Variants in SNX29 observed in about 807,000 individuals in gnomAD.
SNX29 encodes the protein sorting nexin 29, also known as sorting nexin-29.
In SNX29, 78 loss-of-function variants were observed where a neutral mutation model predicts 102.1. The observed-to-expected ratio is 0.76, with a 90% confidence interval of 0.64 to 0.92. SNX29 has a LOEUF of 0.92. SNX29 is among the 40% of genes least tolerant of loss of function. The probability of loss-of-function intolerance (pLI) is 0.00; values close to 1 mark genes in which losing one functional copy is unlikely to be tolerated. For synonymous variants in SNX29, 580 were observed against 414.5 expected (o/e 1.40, Z -4.85); for missense variants, 1,280 against 1,061.7 (o/e 1.21, Z -2.86).
chr16:12,030,118 C>T (rs1276997459), intron 4 of SNX29, among the ~76,000 whole-genome samples: 1 of 152,184 alleles, frequency 6.6e-6, no homozygotes, highest in African/African-American at 2.4e-5. Context: ...GCCATAGCCT[C>T]TTGGCACACT....
At position 12,129,792 on chromosome 16, in the gene SNX29, G is replaced by A. The variant is rs769911977; in HGVS notation, c.1595+34G>A. ...GGGTGAGGGATGGAGAGGTAAGCAC[G>A]TGGGGGCTTCATTAAAACCTGAGCA... On this transcript the variant is annotated intron_variant, in intron 13 of 20. Transcript: ENST00000566228. The A allele has an allele frequency of 2.1e-5, 33 of 1,567,446 alleles. No homozygotes were observed. The South Asian group carries it at 2.8e-4, about 14-fold the overall frequency.
chr16:12,199,773 G>A (rs1443772195), intron 14 of SNX29, 90 bp downstream of exon 14: 2 of 1,054,506 alleles, frequency 1.9e-6, no homozygotes, highest in East Asian at 2.6e-5. Context: ...AATGTGTGAC[G>A]AGTGCATATG....
intron 15 of SNX29, among the ~76,000 whole-genome samples, chr16:12,301,440 C>G (rs1035368243): frequency 6.6e-6 from 1 of 152,190 alleles, no homozygotes. Flanking sequence ...CCCTCTCCCC[C>G]AAATCTCCAC....
At chr16:12,320,373 T>G (rs930029462) in intron 15 of SNX29, among the ~76,000 whole-genome samples, 1 of 151,534 alleles carries the variant, frequency 6.6e-6, no homozygotes, top group African/African-American at 2.4e-5. Context: ...CCTGCCGCAA[T>G]GCCTGTGCCC....
chr16:12,069,057 A>T lies in SNX29; in HGVS notation c.1244A>T (p.Asp415Val). 6.2e-7 allele frequency: 1 copy of T among 1,613,892 alleles called. No individual in the cohort carries two copies. Among genetic ancestry groups the T allele is most frequent in the Non-Finnish European group, 8.5e-7 (1 of 1,179,830 alleles). Residue 415 changes from aspartate (D) to valine (V), a missense_variant and splice_region_variant, in exon 10 of 21, where the codon GAT becomes GTT. Transcript: ENST00000566228. ...VSGVGSYSPADAPLGSLENGT... is the reference protein window; with the variant it reads ...VSGVGSYSPAVAPLGSLENGT... ...TTCTGTGATTGCTCTCTCTGCACAG[A>T]TGCCCCCCTCGGAAGCCTGGAGAAC...
At chr16:12,454,034 G>C (rs2086424216) in intron 18 of SNX29, among the ~76,000 whole-genome samples, 1 of 152,100 alleles carries the variant, frequency 6.6e-6, no homozygotes, top group Admixed American at 6.5e-5. Context: ...AAATTTCTCA[G>C]CTTCCCTTGC....
rs575164432 is a variant in SNX29 at position 12,398,490 on chromosome 16, G to A, written c.1944G>A (p.Ser648=). The A allele has an allele frequency of 1.4e-4, 225 of 1,613,916 alleles. No homozygotes were observed. Among genetic ancestry groups the A allele is most frequent in the South Asian group, 6.7e-4 (61 of 91,082 alleles). ...AAACGTCCGAAGACCAGAGTTTGTCGGATTTTGAAATGTAAGTCCACAGCC... is the reference window on the plus strand; with the variant it reads ...AAACGTCCGAAGACCAGAGTTTGTCAGATTTTGAAATGTAAGTCCACAGCC... ...LSQTSEDQSL[S]DFEISNRALI... The change falls in exon 17 of 21, where the codon TCG becomes TCA. Residue 648 remains serine, a synonymous_variant. Transcript: ENST00000566228.
At chr16:12,347,117 G>C (rs1184768160) in intron 15 of SNX29, among the ~76,000 whole-genome samples, 1 of 152,092 alleles carries the variant, frequency 6.6e-6, no homozygotes, top group Non-Finnish European at 1.5e-5. Flanking sequence ...GTGCTGAGGG[G>C]CTTGTTGCAG....
chr16:12,555,478 C>T (rs557444798), intron 20 of SNX29, among the ~76,000 whole-genome samples: 8 of 151,612 alleles, frequency 5.3e-5, no homozygotes, highest in Middle Eastern at 3.4e-3. Flanking sequence ...TGTCTGAGGA[C>T]GTCTTTCGTT....
chr16:12,358,372 C>G (rs1223674070), intron 16 of SNX29, among the ~76,000 whole-genome samples: 2 of 152,144 alleles, frequency 1.3e-5, no homozygotes, highest in African/African-American at 2.4e-5. Flanking sequence ...GAGTTCGAGA[C>G]CAGCCTGGTC....
intron 14 of SNX29, among the ~76,000 whole-genome samples, chr16:12,254,346 C>G (rs1053561662): frequency 6.6e-6 from 1 of 152,052 alleles, no homozygotes. Context: ...AAAGGAGATA[C>G]CAGCAAAAGA....
chr16:12,058,648 C>T (rs1160153438), intron 8 of SNX29, among the ~76,000 whole-genome samples: 1 of 151,354 alleles, frequency 6.6e-6, no homozygotes, highest in Non-Finnish European at 1.5e-5. Context: ...CACCCACCAC[C>T]ACGCCCTGCT....
intron 1 of SNX29, among the ~76,000 whole-genome samples, chr16:11,995,932 T>A (rs1279128408): frequency 6.6e-6 from 1 of 151,892 alleles, no homozygotes; most frequent in African/African-American, 2.4e-5. Context: ...TGGTGGTGCG[T>A]GCCTGTAATC....
In SNX29 at chr16:12,317,386, C is replaced by T. The variant is rs567919231; in HGVS notation, c.1783-38777C>T. Reference sequence around the variant, plus strand: ...TGTCTTGGCTCTTCCGTGAAGCCCTCACAAATAAGCTGTCCTTACAATGGG... The same window carrying T: ...TGTCTTGGCTCTTCCGTGAAGCCCTTACAAATAAGCTGTCCTTACAATGGG... On this transcript the variant is annotated intron_variant, in intron 15 of 20. Coordinates refer to ENST00000566228, the MANE Select transcript of SNX29 (RefSeq NM_032167.5). Among the ~76,000 whole-genome samples the T allele has an allele frequency of 2.0e-5, 3 of 152,310 alleles. No homozygotes were observed. The East Asian group carries it at 5.8e-4, about 29-fold the overall frequency.
intron 1 of SNX29, among the ~76,000 whole-genome samples, chr16:11,980,357 T>G (rs1463764519): frequency 2.0e-5 from 3 of 152,248 alleles, no homozygotes; most frequent in Non-Finnish European, 2.9e-5. Flanking sequence ...TTCCTTTTTG[T>G]GGCCACATTA....
chr16:12,334,365 C>A (rs1302009179), intron 15 of SNX29, among the ~76,000 whole-genome samples: 1 of 152,150 alleles, frequency 6.6e-6, no homozygotes, highest in Non-Finnish European at 1.5e-5. Context: ...GAAGCTCTGT[C>A]TTCCTGTGTA....
chr16:12,216,835 C>G (rs562660640), intron 14 of SNX29, among the ~76,000 whole-genome samples: 2 of 151,678 alleles, frequency 1.3e-5, no homozygotes, highest in Non-Finnish European at 2.9e-5. Flanking sequence ...ATTTCTAGTG[C>G]TGAGTCTTCA....
chr16:12,210,943 T>A (rs1444071102), intron 14 of SNX29, among the ~76,000 whole-genome samples: 1 of 152,160 alleles, frequency 6.6e-6, no homozygotes, highest in Non-Finnish European at 1.5e-5. Flanking sequence ...CTGGGCACTG[T>A]TTTCACCTGC....
chr16:12,220,132 C>A (rs545613239), intron 14 of SNX29, among the ~76,000 whole-genome samples: 1 of 152,186 alleles, frequency 6.6e-6, no homozygotes, highest in Non-Finnish European at 1.5e-5. Flanking sequence ...TTCGCCACCG[C>A]GCTGTGAGTT....
Sources: gnomAD v4.1 joint callset for allele counts (sites outside exome capture counted in the v4.1 genomes callset) on GRCh38, gnomAD v4.1.1 for gene constraint, MANE v1.5 for transcripts, NCBI Gene and HGNC (gene_info 2026-07-23, HGNC 2026-07-21) for gene names.